Variants in MOB4 observed in about 807,000 individuals in gnomAD.
MOB4 encodes the protein MOB family member 4, phocein.
A neutral mutation model predicts 32.2 loss-of-function variants in MOB4; 4 were observed. That is an observed-to-expected ratio of 0.12 (90% CI 0.06 to 0.28). The LOEUF (loss-of-function observed/expected upper bound fraction) is 0.28, where lower values mean the gene tolerates loss of function less well. Among genes scored for constraint, MOB4 ranks in the 10% least tolerant of loss-of-function variants. The pLI is 1.00. For synonymous variants in MOB4, 88 were observed against 88.1 expected (o/e 1.00, Z 0.01); for missense variants, 158 against 271.2 (o/e 0.58, Z 2.93).
intron 5 of MOB4, among the ~76,000 whole-genome samples, chr2:197,543,723 AGGG>A (rs2086939830): frequency 6.6e-6 from 1 of 152,078 alleles, no homozygotes; most frequent in African/African-American, 2.4e-5. Context: ...TTAGTGCTTA[AGGG>A]TAATAGACTT....
At chr2:197,515,968 G>C (rs2086401630), upstream of MOB4, 3 of 1,071,072 alleles carry the variant, frequency 2.8e-6, no homozygotes, top group South Asian at 1.5e-5. Context: ...GCAGGCTGCA[G>C]CTGTTCCGTC....
At position 197,538,634 on chromosome 2, in the gene MOB4, CTG is replaced by C. The variant is rs1341127389; in HGVS notation, c.225-1473_225-1472del. ...CTGGTTGGTCTCTTCAGCTGCACAACTGTGTACATGTTAGCCCTGTATTAAAT... is the reference window on the plus strand; with the variant it reads ...CTGGTTGGTCTCTTCAGCTGCACAACTGTACATGTTAGCCCTGTATTAAAT... On this transcript the variant is annotated intron_variant, in intron 3 of 7. Coordinates refer to ENST00000323303, the MANE Select transcript of MOB4 (RefSeq NM_015387.5). 2.0e-5 allele frequency among the ~76,000 whole-genome samples: 3 copies of C among 152,296 alleles called. No individual in the cohort carries two copies. The South Asian group carries it at 6.2e-4, about 32-fold the overall frequency.
chr2:197,535,678 T>C, intron 3 of MOB4, 48 bp downstream of exon 3: 1 of 1,559,616 alleles, frequency 6.4e-7, no homozygotes, highest in Non-Finnish European at 8.7e-7. Context: ...CAAAACTAGC[T>C]TTCATATTAA....
intron 5 of MOB4, among the ~76,000 whole-genome samples, chr2:197,544,529 G>A (rs990846468): frequency 1.5e-4 from 23 of 152,096 alleles, no homozygotes; most frequent in African/African-American, 3.9e-4. Flanking sequence ...CAAGGCGGGC[G>A]GATCACGAGG....
intron 6 of MOB4, among the ~76,000 whole-genome samples, chr2:197,548,816 T>C (rs1221938727): frequency 2.6e-5 from 4 of 152,150 alleles, no homozygotes; most frequent in Non-Finnish European, 5.9e-5. Context: ...TACCTGTTCA[T>C]ATATGTCATT....
chr2:197,516,976 A>C (rs1574619520), intron 1 of MOB4, among the ~76,000 whole-genome samples: 1 of 152,260 alleles, frequency 6.6e-6, no homozygotes, highest in Admixed American at 6.5e-5. Flanking sequence ...CTTGCTATAG[A>C]CTAGATGCTC....
intron 5 of MOB4, 116 bp downstream of exon 5, chr2:197,540,553 T>A: frequency 1.0e-6 from 1 of 998,512 alleles, no homozygotes; most frequent in East Asian, 3.1e-5. Context: ...GCTATTTCAT[T>A]TTGAGTTGCT....
intron 4 of MOB4, 92 bp from the exon 5 acceptor site, chr2:197,540,259 C>T: frequency 6.7e-7 from 1 of 1,483,278 alleles, no homozygotes; most frequent in South Asian, 1.4e-5. Flanking sequence ...TTCTAACTTT[C>T]TTCTAGAATT....
At chr2:197,522,271 A>AT (rs2086533125) in intron 1 of MOB4, among the ~76,000 whole-genome samples, 1 of 150,770 alleles carries the variant, frequency 6.6e-6, no homozygotes, top group African/African-American at 2.4e-5. Context: ...GTGCTAGCAA[A>AT]TACTAGGTCT....
chr2:197,523,013 A>T (rs980410565), intron 1 of MOB4, among the ~76,000 whole-genome samples: 1 of 151,810 alleles, frequency 6.6e-6, no homozygotes, highest in African/African-American at 2.4e-5. Flanking sequence ...TCTCAAAATA[A>T]TAATAATAAT....
At chr2:197,533,581 C>T (rs867216362) in intron 2 of MOB4, among the ~76,000 whole-genome samples, 1 of 151,748 alleles carries the variant, frequency 6.6e-6, no homozygotes, top group African/African-American at 2.4e-5. Flanking sequence ...AAAAATTAGC[C>T]GGGCGTGATG....
chr2:197,541,658 G>A (rs1395193993), intron 5 of MOB4, among the ~76,000 whole-genome samples: 1 of 152,186 alleles, frequency 6.6e-6, no homozygotes, highest in Admixed American at 6.5e-5. Flanking sequence ...GGTGGCTCAC[G>A]CCTGTAATCC....
intron 5 of MOB4, among the ~76,000 whole-genome samples, chr2:197,542,243 C>T (rs551751830): frequency 2.3e-4 from 35 of 152,262 alleles, no homozygotes; most frequent in African/African-American, 8.4e-4. Context: ...GCATTAAGAC[C>T]TGTAAATTGA....
chr2:197,530,826 G>C lies in MOB4; in HGVS notation c.124-4704G>C, dbSNP rs539407045. The stretch of plus-strand genomic sequence containing the variant: ...GTTGCCCAAGGTCTCTAACTCCTGA[G>C]CTTGAGTGATCCTCCTGCCTTGGTC... On this transcript the variant is annotated intron_variant, in intron 2 of 7. Transcript: ENST00000323303. 6.9e-3 allele frequency among the ~76,000 whole-genome samples: 1,050 copies of C among 152,062 alleles called. 5 individuals are homozygous for C. The highest frequency in any genetic ancestry group is 0.017 in the South Asian group (84 of 4,816).
intron 1 of MOB4, 62 bp from the exon 2 acceptor site, chr2:197,523,562 A>G: frequency 2.6e-6 from 4 of 1,511,048 alleles, no homozygotes; most frequent in Non-Finnish European, 3.6e-6. Context: ...GTCTTTATTA[A>G]GAATTGAAGT....
At chr2:197,532,878 C>T (rs1418276140) in intron 2 of MOB4, among the ~76,000 whole-genome samples, 1 of 152,108 alleles carries the variant, frequency 6.6e-6, no homozygotes, top group Non-Finnish European at 1.5e-5. Flanking sequence ...GCAGGTGGAT[C>T]ACTTGAGGTC....
chr2:197,530,077 C>T (rs768503337), intron 2 of MOB4, among the ~76,000 whole-genome samples: 32 of 151,556 alleles, frequency 2.1e-4, no homozygotes, highest in Non-Finnish European at 4.4e-4. Flanking sequence ...TCAAGCGATT[C>T]TCCTCCGTCA....
chr2:197,550,146 T>C, intron 6 of MOB4, 129 bp from the exon 7 acceptor site: 1 of 747,002 alleles, frequency 1.3e-6, no homozygotes, highest in South Asian at 2.7e-5. Flanking sequence ...TTACTCGCAG[T>C]GTGACCTTGG....
At chr2:197,531,148 C>G (rs1438297507) in intron 2 of MOB4, among the ~76,000 whole-genome samples, 1 of 150,502 alleles carries the variant, frequency 6.6e-6, no homozygotes, top group Non-Finnish European at 1.5e-5. Context: ...CCCAGGTTCA[C>G]GCTACTCTCC....
Sources: gnomAD v4.1 joint callset for allele counts (sites outside exome capture counted in the v4.1 genomes callset) on GRCh38, gnomAD v4.1.1 for gene constraint, MANE v1.5 for transcripts, NCBI Gene and HGNC (gene_info 2026-07-23, HGNC 2026-07-21) for gene names.